Variants in PHF20 observed in about 807,000 individuals in gnomAD.
The protein encoded by PHF20 is PHD finger protein 20.
PHF20 carries 23 observed loss-of-function variants against 113.5 expected under a neutral mutation model. The observed-to-expected ratio is 0.20, with a 90% CI of 0.15 to 0.29. The LOEUF (loss-of-function observed/expected upper bound fraction) is 0.29, where lower values mean the gene tolerates loss of function less well. Ranked by LOEUF, PHF20 falls within the 10% of genes least tolerant of loss-of-function variation. PHF20 has a pLI of 1.00. For missense variants in PHF20, 943 were observed against 1,219.6 expected (o/e 0.77, Z 3.38); for synonymous variants, 434 against 457.3 (o/e 0.95, Z 0.65).
chr20:35,830,198 G>C (rs565274627), intron 2 of PHF20, among the ~76,000 whole-genome samples: 4 of 152,310 alleles, frequency 2.6e-5, no homozygotes, highest in Middle Eastern at 3.4e-3. Context: ...ACAGGTGTGA[G>C]CCACCGTGCC....
At chr20:35,828,737 A>G (rs1473001642) in intron 2 of PHF20, among the ~76,000 whole-genome samples, 1 of 152,148 alleles carries the variant, frequency 6.6e-6, no homozygotes, top group Non-Finnish European at 1.5e-5. Context: ...GTGGAGCCCT[A>G]GGACATGTTG....
At chr20:35,800,437 C>T (rs2146862541) in intron 1 of PHF20, among the ~76,000 whole-genome samples, 1 of 151,948 alleles carries the variant, frequency 6.6e-6, no homozygotes, top group East Asian at 1.9e-4. Flanking sequence ...AACAAACCAA[C>T]AAACAAAAAA....
chr20:35,814,569 A>G (rs2042033931), intron 2 of PHF20, among the ~76,000 whole-genome samples: 1 of 150,576 alleles, frequency 6.6e-6, no homozygotes, highest in Non-Finnish European at 1.5e-5. Context: ...AGAGTAAGAC[A>G]CTGTCTCAAA....
intron 15 of PHF20, among the ~76,000 whole-genome samples, chr20:35,933,070 C>T (rs947694677): frequency 4.0e-5 from 6 of 151,770 alleles, no homozygotes; most frequent in African/African-American, 1.5e-4. Flanking sequence ...TATGTGTATG[C>T]CACATTTTGT....
intron 2 of PHF20, among the ~76,000 whole-genome samples, chr20:35,838,970 G>C (rs1028588206): frequency 1.3e-5 from 2 of 150,896 alleles, no homozygotes; most frequent in Admixed American, 1.3e-4. Flanking sequence ...CTCCAGCCTG[G>C]GAAACAGAGC....
intron 2 of PHF20, among the ~76,000 whole-genome samples, chr20:35,831,086 T>A (rs1211064820): frequency 6.6e-6 from 1 of 152,148 alleles, no homozygotes; most frequent in Non-Finnish European, 1.5e-5. Context: ...AATGCCAGGT[T>A]AGTTACAAAT....
At chr20:35,926,103 C>T (rs1600946484) in intron 13 of PHF20, among the ~76,000 whole-genome samples, 1 of 106,276 alleles carries the variant, frequency 9.4e-6, no homozygotes, top group Non-Finnish European at 1.7e-5. Flanking sequence ...GCCTGGGTGA[C>T]AGAGTGAGAC....
At chr20:35,867,937 C>T (rs1025454690) in intron 6 of PHF20, among the ~76,000 whole-genome samples, 5 of 152,116 alleles carry the variant, frequency 3.3e-5, no homozygotes, top group African/African-American at 1.2e-4. Context: ...CTTTCTTCTG[C>T]CTGCCTTTTC....
chr20:35,799,325 G>T (rs893929375), intron 1 of PHF20, among the ~76,000 whole-genome samples: 1 of 150,906 alleles, frequency 6.6e-6, no homozygotes, highest in African/African-American at 2.4e-5. Context: ...AAAAAGCTGG[G>T]TGTGCTGACG....
At chr20:35,820,381 A>C (rs968126370) in intron 2 of PHF20, among the ~76,000 whole-genome samples, 58 of 152,034 alleles carry the variant, frequency 3.8e-4, no homozygotes, top group Non-Finnish European at 1.5e-4. Context: ...TAGAACAGAA[A>C]CCAGCAGACT....
At chr20:35,804,862 A>G (rs80149515) in intron 2 of PHF20, among the ~76,000 whole-genome samples, 1 of 151,944 alleles carries the variant, frequency 6.6e-6, no homozygotes, top group African/African-American at 2.4e-5. Context: ...ACTCAACCAT[A>G]TGTACATAAA....
At chr20:35,910,990 C>CT (rs1280938341) in intron 10 of PHF20, among the ~76,000 whole-genome samples, 1 of 152,066 alleles carries the variant, frequency 6.6e-6, no homozygotes, top group Non-Finnish European at 1.5e-5. Flanking sequence ...TGTCTGGCTC[C>CT]TTTCACCCAG....
chr20:35,862,927 T>G, intron 5 of PHF20, 86 bp from the exon 6 acceptor site: 1 of 1,342,922 alleles, frequency 7.4e-7, no homozygotes, highest in South Asian at 1.5e-5. Context: ...AATTTCTTTG[T>G]TTGTCTTCAT....
chr20:35,821,386 G>A (rs906059254), intron 2 of PHF20, among the ~76,000 whole-genome samples: 2 of 148,562 alleles, frequency 1.3e-5, no homozygotes, highest in African/African-American at 2.5e-5. Context: ...AGTGAGCTGA[G>A]ATTGTGCCAC....
chr20:35,806,885 T>C (rs2041892577), intron 2 of PHF20, among the ~76,000 whole-genome samples: 1 of 142,496 alleles, frequency 7.0e-6, no homozygotes, highest in African/African-American at 2.6e-5. Flanking sequence ...AAGCTCCGCC[T>C]CCCGGGTTCA....
chr20:35,917,420 A>G lies in PHF20; in HGVS notation c.1826-64A>G, dbSNP rs766666223. Reference sequence around the variant, plus strand: ...ACTATAATGTCATTTTTCATTCTTGACAATCAAAGGTTTTTTAATTTTATA... The same window carrying G: ...ACTATAATGTCATTTTTCATTCTTGGCAATCAAAGGTTTTTTAATTTTATA... On this transcript the variant is annotated intron_variant, in intron 12 of 17. Coordinates refer to ENST00000374012, the MANE Select transcript of PHF20 (RefSeq NM_016436.5). The G allele has an allele frequency of 3.6e-6, 5 of 1,373,624 alleles. No homozygotes were observed. In the East Asian group the frequency reaches 1.2e-4, roughly 33 times the overall value. 85.1% of individuals were successfully genotyped at this position (1,373,624 alleles called of 1,614,324 possible).
chr20:35,824,173 T>C (rs1007738050), intron 2 of PHF20, among the ~76,000 whole-genome samples: 1 of 152,238 alleles, frequency 6.6e-6, no homozygotes, highest in Non-Finnish European at 1.5e-5. Flanking sequence ...CCATTTTGCA[T>C]TTCCACCAGG....
intron 2 of PHF20, among the ~76,000 whole-genome samples, chr20:35,806,455 C>T (rs572559039): frequency 4.5e-4 from 69 of 152,264 alleles, no homozygotes; most frequent in African/African-American, 1.6e-3. Context: ...GTCACCATGC[C>T]TGGCACATAT....
At chr20:35,873,466 GTTT>G (rs759056358) in intron 9 of PHF20, among the ~76,000 whole-genome samples, 86 of 82,394 alleles carry the variant, frequency 1.0e-3, no homozygotes, top group African/African-American at 4.1e-3. Context: ...CTGTTTTTTT[GTTT>G]TTTTTTTTTT....
Sources: allele counts gnomAD v4.1 joint callset (sites outside exome capture counted in the v4.1 genomes callset), GRCh38; gene constraint gnomAD v4.1.1; transcripts MANE v1.5; gene names NCBI Gene and HGNC (gene_info 2026-07-23, HGNC 2026-07-21).